EHBP1: variants seen among roughly 807,000 people sequenced by gnomAD.
The protein encoded by EHBP1 is EH domain binding protein 1, also known as EH domain-binding protein 1.
EHBP1 carries 55 observed loss-of-function variants against 144.0 expected under a neutral mutation model. The ratio of observed to expected loss-of-function variants is 0.38; its 90% CI spans 0.31 to 0.48. The LOEUF is 0.48. Among genes scored for constraint, EHBP1 ranks in the 20% least tolerant of loss-of-function variants. The pLI is 0.98. For synonymous variants in EHBP1, 469 were observed against 472.7 expected (o/e 0.99, Z 0.10); for missense variants, 1,200 against 1,364.2 (o/e 0.88, Z 1.90).
At chr2:62,755,275 G>C (rs1270819640) in intron 3 of EHBP1, among the ~76,000 whole-genome samples, 1 of 152,122 alleles carries the variant, frequency 6.6e-6, no homozygotes, top group African/African-American at 2.4e-5. Flanking sequence ...AGTCAGGCTT[G>C]TTTCGCTTGA....
chr2:62,761,083 T>C (rs1213311540), intron 3 of EHBP1, among the ~76,000 whole-genome samples: 1 of 152,162 alleles, frequency 6.6e-6, no homozygotes, highest in African/African-American at 2.4e-5. Context: ...AAGGTTGTTA[T>C]AAGTTTTCAG....
chr2:62,677,959 T>A (rs910395716), intron 1 of EHBP1, among the ~76,000 whole-genome samples: 8 of 152,230 alleles, frequency 5.3e-5, no homozygotes, highest in African/African-American at 1.9e-4. Flanking sequence ...TACAGATAAC[T>A]CTTTGATATA....
At chr2:62,841,044 T>C (rs1473048737) in intron 7 of EHBP1, among the ~76,000 whole-genome samples, 1 of 152,162 alleles carries the variant, frequency 6.6e-6, no homozygotes, top group East Asian at 1.9e-4. Flanking sequence ...TGCACACATA[T>C]GTTTATTGCG....
intron 5 of EHBP1, among the ~76,000 whole-genome samples, chr2:62,822,230 A>G (rs1314661503): frequency 6.6e-6 from 1 of 152,160 alleles, no homozygotes; most frequent in Non-Finnish European, 1.5e-5. Flanking sequence ...CAGAGAAAAC[A>G]TTTATTCACC....
rs747889012 is a variant in EHBP1 at position 62,943,788 on chromosome 2, A to G, written c.1365-14A>G. On this transcript the variant is annotated splice_polypyrimidine_tract_variant and intron_variant, in intron 11 of 22. Transcript: ENST00000431489. ...AAATACTATATGTACCCACTGTGCT[A>G]TTTTCTCCCTCAGTGACTACAAGTC... The G allele has an allele frequency of 5.0e-6, 8 of 1,584,782 alleles. No individual in the cohort carries two copies. The highest frequency in any genetic ancestry group is 6.0e-6 in the Non-Finnish European group (7 of 1,160,834).
intron 2 of EHBP1, among the ~76,000 whole-genome samples, chr2:62,724,343 T>C (rs2036538437): frequency 6.6e-6 from 1 of 152,210 alleles, no homozygotes; most frequent in Non-Finnish European, 1.5e-5. Context: ...TTCTTTTCTA[T>C]ACTGGTTATT....
intron 10 of EHBP1, among the ~76,000 whole-genome samples, chr2:62,930,699 A>G (rs1209184878): frequency 6.6e-6 from 1 of 152,198 alleles, no homozygotes; most frequent in Non-Finnish European, 1.5e-5. Context: ...TGGAATAGAG[A>G]GTCCAGAAAC....
chr2:62,790,082 A>C (rs1192137780), intron 5 of EHBP1, among the ~76,000 whole-genome samples: 1 of 152,138 alleles, frequency 6.6e-6, no homozygotes, highest in Non-Finnish European at 1.5e-5. Context: ...CCAGGTGAAT[A>C]TTTATATTTC....
At chr2:62,693,078 T>G (rs2033962744) in intron 1 of EHBP1, among the ~76,000 whole-genome samples, 1 of 152,136 alleles carries the variant, frequency 6.6e-6, no homozygotes, top group African/African-American at 2.4e-5. Flanking sequence ...TTGTTTTAAT[T>G]TTTAGCTCCC....
intron 10 of EHBP1, among the ~76,000 whole-genome samples, chr2:62,899,845 A>G: frequency 6.6e-6 from 1 of 152,184 alleles, no homozygotes; most frequent in South Asian, 2.1e-4. Flanking sequence ...CATTTATAAG[A>G]TTCTCCATAG....
At chr2:63,010,845 C>A (rs1454795671) in intron 19 of EHBP1, among the ~76,000 whole-genome samples, 2 of 151,664 alleles carry the variant, frequency 1.3e-5, no homozygotes, top group African/African-American at 4.8e-5. Flanking sequence ...TGTCTTGATT[C>A]TTTTCACTTA....
intron 7 of EHBP1, among the ~76,000 whole-genome samples, chr2:62,832,529 T>C (rs1305055674): frequency 2.6e-5 from 4 of 151,766 alleles, no homozygotes; most frequent in Non-Finnish European, 2.9e-5. Flanking sequence ...CTATCAGTCT[T>C]ACCAACAGCG....
intron 15 of EHBP1, among the ~76,000 whole-genome samples, chr2:62,983,561 G>C (rs2059060221): frequency 6.6e-6 from 1 of 151,960 alleles, no homozygotes. Flanking sequence ...TATTTTTTGA[G>C]ACAGAGTCTC....
intron 7 of EHBP1, among the ~76,000 whole-genome samples, chr2:62,835,321 C>T (rs958035775): frequency 6.6e-6 from 1 of 152,012 alleles, no homozygotes; most frequent in Non-Finnish European, 1.5e-5. Flanking sequence ...TTACATGTTG[C>T]TTTTCTTAGA....
chr2:62,812,708 G>A (rs1380280708), intron 5 of EHBP1, among the ~76,000 whole-genome samples: 1 of 152,186 alleles, frequency 6.6e-6, no homozygotes, highest in Non-Finnish European at 1.5e-5. Flanking sequence ...AAATTTAAGA[G>A]TAATGAACTA....
chr2:62,726,676 A>G (rs1053851269), intron 2 of EHBP1: 4 of 152,224 alleles, frequency 2.6e-5, no homozygotes, highest in African/African-American at 9.6e-5. Context: ...GGGGGAAAGA[A>G]TAGAACTAGG....
chr2:62,885,274 C>T (rs1271179409), intron 10 of EHBP1, among the ~76,000 whole-genome samples: 1 of 152,042 alleles, frequency 6.6e-6, no homozygotes, highest in Non-Finnish European at 1.5e-5. Context: ...ACTTATGTTG[C>T]AAAATAAAAT....
chr2:62,779,321 A>G (rs1376402871), intron 5 of EHBP1, among the ~76,000 whole-genome samples: 2 of 152,196 alleles, frequency 1.3e-5, no homozygotes, highest in African/African-American at 4.8e-5. Flanking sequence ...TTAGTCAGTA[A>G]TGCCCATTTA....
chr2:62,727,200 A>T (rs185062440), intron 2 of EHBP1, among the ~76,000 whole-genome samples: 2 of 152,002 alleles, frequency 1.3e-5, no homozygotes, highest in African/African-American at 4.8e-5. Flanking sequence ...CCCCATCCTG[A>T]TTATCCTATT....
Sources: allele counts gnomAD v4.1 joint callset (sites outside exome capture counted in the v4.1 genomes callset), GRCh38; gene constraint gnomAD v4.1.1; transcripts MANE v1.5; gene names NCBI Gene and HGNC (gene_info 2026-07-23, HGNC 2026-07-21).